ADAMTS2: variants seen among roughly 807,000 people sequenced by gnomAD.
ADAMTS2 encodes ADAM metallopeptidase with thrombospondin type 1 motif 2.
In ADAMTS2, 50 loss-of-function variants were observed where a neutral mutation model predicts 123.0. The observed-to-expected ratio is 0.41, with a 90% CI of 0.32 to 0.51. The LOEUF (loss-of-function observed/expected upper bound fraction) is 0.51. ADAMTS2 is among the 20% of genes least tolerant of loss of function. The pLI is 0.35. For missense variants in ADAMTS2, 1,494 were observed against 1,705.2 expected, an observed-to-expected ratio of 0.88 and a Z score of 2.18; for synonymous variants, 678 against 695.4, an observed-to-expected ratio of 0.98 and a Z score of 0.39.
In ADAMTS2 at chr5:179,236,840, A is replaced by G. The variant is rs897520867; in HGVS notation, c.689-29125T>C. 2.0e-5 allele frequency among the ~76,000 whole-genome samples: 3 copies of G among 151,956 alleles called. No homozygotes were observed. The East Asian group carries it at 5.8e-4, about 29-fold the overall frequency. ...TGTATGCTATGGACTGAATATTTGT[A>G]CCCCCAAAATTCATATGTTGAAACC... On this transcript the variant is annotated intron_variant, in intron 3 of 21. Coordinates refer to ENST00000251582, the MANE Select transcript of ADAMTS2 (RefSeq NM_014244.5).
intron 2 of ADAMTS2, among the ~76,000 whole-genome samples, chr5:179,322,318 T>C (rs974415909): frequency 2.0e-5 from 3 of 152,188 alleles, no homozygotes; most frequent in Non-Finnish European, 2.9e-5. Flanking sequence ...GGCCCGTGCC[T>C]TCTTTGAATC....
chr5:179,132,908 G>A lies in ADAMTS2; in HGVS notation c.2086-8C>T, dbSNP rs527606636. ...ACCGTCACAGCCCACCTTCTGTTGG[G>A]GGAGGAGGCAGTGAGCACTTGAGAC... On this transcript the variant is annotated splice_region_variant and splice_polypyrimidine_tract_variant and intron_variant, in intron 13 of 21. Transcript: ENST00000251582. The surrounding 1 kb of genome is among the most constrained non-coding windows in gnomAD (Gnocchi z 6.1). The A allele has an allele frequency of 6.2e-7, 1 of 1,613,356 alleles. No individual in the cohort carries two copies. The highest frequency in any genetic ancestry group is 1.1e-5 in the South Asian group (1 of 90,964).
chr5:179,127,699 C>T (rs1561768701), intron 17 of ADAMTS2, among the ~76,000 whole-genome samples: 1 of 152,088 alleles, frequency 6.6e-6, no homozygotes, highest in African/African-American at 2.4e-5. Context: ...CAGCCTGTCA[C>T]CCCCACACTG....
chr5:179,135,058 C>CCCAGCTCCCGGGT lies in ADAMTS2; in HGVS notation c.2085+838_2085+850dup, dbSNP rs1267798163. 4.3e-4 allele frequency among the ~76,000 whole-genome samples: 35 copies of CCCAGCTCCCGGGT among 82,020 alleles called. 2 individuals are homozygous for CCCAGCTCCCGGGT. Among genetic ancestry groups the CCCAGCTCCCGGGT allele is most frequent in the Middle Eastern group, 6.8e-3 (1 of 146 alleles). 53.8% of individuals were successfully genotyped at this position (82,020 alleles called of 152,430 possible). A position where few individuals can be genotyped will look rare whatever the true frequency, so the allele number is the denominator to read the frequency against. ...CAGCCCCCAGCTCCCGGCTCCAGCTCCCAGCTCCCGGGTCCAGCTCCCGGC... is the reference window on the plus strand; with the variant it reads ...CAGCCCCCAGCTCCCGGCTCCAGCTCCCAGCTCCCGGGTCCAGCTCCCGGGTCCAGCTCCCGGC... On this transcript the variant is annotated intron_variant, in intron 13 of 21. Transcript: ENST00000251582.
chr5:179,345,335 C>G lies in ADAMTS2; in HGVS notation c.-7G>C, dbSNP rs1045542267. ...CTCCCGCCGGCGGATCCATGGCAGC[C>G]GGACTGCAGCCGGGGCCCCGCACTC... On this transcript the variant is annotated 5_prime_UTR_variant, in exon 1 of 22. Transcript: ENST00000251582. This position sits in a 1 kb window ranked among gnomAD's most constrained non-coding sequence, Gnocchi z 7.5. The G allele has an allele frequency of 4.0e-5, 45 of 1,133,818 alleles. No homozygotes were observed. The highest frequency in any genetic ancestry group is 1.7e-4 in the South Asian group (4 of 23,512). 70.2% of individuals were successfully genotyped at this position (1,133,818 alleles called of 1,614,324 possible). A position where few individuals can be genotyped will look rare whatever the true frequency, so the allele number is the denominator to read the frequency against.
Position 179,314,247 on chromosome 5 carries a change from G to C in ADAMTS2, c.534+29520C>G, listed in dbSNP as rs1561730211. Among the ~76,000 whole-genome samples, 1 of 152,176 alleles carries C rather than the reference G, an allele frequency of 6.6e-6. No homozygotes were observed. Among genetic ancestry groups the C allele is most frequent in the Non-Finnish European group, 1.5e-5 (1 of 68,002 alleles). ...CTGCCCCTCCCACCGGGTCGGCCCT[G>C]TCCTTGTCTTGCTCAGCTCGGGGGA... is the stretch of plus-strand genomic sequence containing the variant. On this transcript the variant is annotated intron_variant, in intron 2 of 21. Coordinates refer to ENST00000251582, the MANE Select transcript of ADAMTS2 (RefSeq NM_014244.5). The surrounding 1 kb of genome is among the most constrained non-coding windows in gnomAD (Gnocchi z 4.5).
Position 179,151,325 on chromosome 5 carries a change from G to C in ADAMTS2, c.1629+817C>G, listed in dbSNP as rs567346784. On this transcript the variant is annotated intron_variant, in intron 10 of 21. Coordinates refer to ENST00000251582, the MANE Select transcript of ADAMTS2 (RefSeq NM_014244.5). ...TCTTCAAGGATGGGCCTGGGAATTT[G>C]TTTCTTTCAGAAGCTCCGCCAGAGA... 143 of 158,892 alleles carry C rather than the reference G, an allele frequency of 9.0e-4. 3 individuals carry two copies. Among genetic ancestry groups the C allele is most frequent in the South Asian group, 6.8e-3 (38 of 5,574 alleles). 9.8% of individuals were successfully genotyped at this position (158,892 alleles called of 1,614,324 possible).
Position 179,111,434 on chromosome 5 carries a change from C to G in ADAMTS2, c.*2433G>C, listed in dbSNP as rs576838940. 6.6e-6 allele frequency: 1 copy of G among 152,290 alleles called. No individual in the cohort carries two copies. Among genetic ancestry groups the G allele is most frequent in the South Asian group, 2.1e-4 (1 of 4,836 alleles). 9.4% of individuals were successfully genotyped at this position (152,290 alleles called of 1,614,324 possible). A position where few individuals can be genotyped will look rare whatever the true frequency, so the allele number is the denominator to read the frequency against. On this transcript the variant is annotated 3_prime_UTR_variant, in exon 22 of 22. Transcript: ENST00000251582. ...GCGTCGTTTCTCAGAGCCCGGTGAA[C>G]GTTGGCATTCCTTGGACAGACTTTT...
chr5:179,278,422 C>G (rs930065664), intron 2 of ADAMTS2, among the ~76,000 whole-genome samples: 2 of 152,056 alleles, frequency 1.3e-5, no homozygotes, highest in African/African-American at 4.8e-5. Flanking sequence ...TTTGATTTTC[C>G]TGCTGCCAGT....
At chr5:179,247,716 C>T (rs1313025057) in intron 3 of ADAMTS2, among the ~76,000 whole-genome samples, 6 of 152,072 alleles carry the variant, frequency 3.9e-5, no homozygotes, top group East Asian at 1.9e-4. Flanking sequence ...CAGAAACCAA[C>T]GGGATGACAT....
intron 10 of ADAMTS2, among the ~76,000 whole-genome samples, chr5:179,147,969 C>T (rs751017486): frequency 2.8e-4 from 42 of 152,118 alleles, no homozygotes; most frequent in Non-Finnish European, 5.3e-4. Context: ...CCCAGGGTCT[C>T]GGAAGGGGCT....
intron 3 of ADAMTS2, among the ~76,000 whole-genome samples, chr5:179,207,917 C>T (rs1477882289): frequency 6.6e-6 from 1 of 152,168 alleles, no homozygotes; most frequent in Non-Finnish European, 1.5e-5. Flanking sequence ...AGGGCCCAGA[C>T]AGGCACCTCT....
intron 4 of ADAMTS2, among the ~76,000 whole-genome samples, chr5:179,206,354 G>A (rs1262721272): frequency 6.6e-6 from 1 of 152,116 alleles, no homozygotes; most frequent in Non-Finnish European, 1.5e-5. Flanking sequence ...GCTCCTGGAG[G>A]GGCTCACCCC....
chr5:179,157,518 C>CTTT (rs112529401), intron 6 of ADAMTS2, among the ~76,000 whole-genome samples: 1 of 144,674 alleles, frequency 6.9e-6, no homozygotes, highest in South Asian at 2.2e-4. Flanking sequence ...TTAAATTTTC[C>CTTT]TTTTTTTTTT....
chr5:179,311,470 C>T (rs1756830869), intron 2 of ADAMTS2, among the ~76,000 whole-genome samples: 1 of 152,236 alleles, frequency 6.6e-6, no homozygotes, highest in African/African-American at 2.4e-5. Context: ...GAACAGTGGA[C>T]ACTGACAGGG....
At position 179,121,750 on chromosome 5, in the gene ADAMTS2, C is replaced by G; in HGVS notation, c.3089G>C (p.Arg1030Pro). 6.4e-7 allele frequency: 1 copy of G among 1,563,310 alleles called. No homozygotes were observed. Among genetic ancestry groups the G allele is most frequent in the Non-Finnish European group, 8.7e-7 (1 of 1,151,010 alleles). Reference protein sequence around the residue: ...ARTCRLGPCPRNISDPSKKSY... With the variant: ...ARTCRLGPCPPNISDPSKKSY... The stretch of plus-strand genomic sequence containing the variant: ...CTTCTTGGAGGGATCTGAGATGTTT[C>G]CTAGAGGGAGGAGAGAGGGGCTGCG... The change falls in exon 21 of 22, where the codon CGA (arginine) becomes CCA (proline). Residue 1030 changes from arginine (R) to proline (P), a missense_variant and splice_region_variant. By Grantham distance (103) the Arg-to-Pro change is moderately radical. Coordinates refer to ENST00000251582, the MANE Select transcript of ADAMTS2 (RefSeq NM_014244.5).
chr5:179,278,987 CCA>C (rs1192075225), intron 2 of ADAMTS2, among the ~76,000 whole-genome samples: 1 of 151,784 alleles, frequency 6.6e-6, no homozygotes, highest in East Asian at 1.9e-4. Flanking sequence ...AAGTATTCAA[CCA>C]CAGACAGCCT....
At chr5:179,286,087 G>A (rs1047101643) in intron 2 of ADAMTS2, among the ~76,000 whole-genome samples, 1 of 152,026 alleles carries the variant, frequency 6.6e-6, no homozygotes, top group Admixed American at 6.5e-5. Context: ...GGTGGTGGGC[G>A]TCTGTAGTCC....
In ADAMTS2 at chr5:179,345,342, C is replaced by T. The variant is rs1757920301; in HGVS notation, c.-14G>A. 8.8e-7 allele frequency: 1 copy of T among 1,132,878 alleles called. No individual in the cohort carries two copies. The highest frequency in any genetic ancestry group is 1.1e-6 in the Non-Finnish European group (1 of 924,624). The allele number at this position is 1,132,878 out of a possible 1,614,324, so 70.2% of individuals were successfully genotyped here. A position where few individuals can be genotyped will look rare whatever the true frequency, so the allele number is the denominator to read the frequency against. ...CGGCGGATCCATGGCAGCCGGACTG[C>T]AGCCGGGGCCCCGCACTCGCAGCCG... is the stretch of plus-strand genomic sequence containing the variant. On this transcript the variant is annotated 5_prime_UTR_variant, in exon 1 of 22. Coordinates refer to ENST00000251582, the MANE Select transcript of ADAMTS2 (RefSeq NM_014244.5). The surrounding 1 kb of genome is among the most constrained non-coding windows in gnomAD (Gnocchi z 7.5).
Sources: gnomAD v4.1 joint callset for allele counts (sites outside exome capture counted in the v4.1 genomes callset) on GRCh38, gnomAD v4.1.1 for gene constraint, Gnocchi (gnomAD v3.1) non-coding constraint, MANE v1.5 for transcripts, NCBI Gene and HGNC (gene_info 2026-07-23, HGNC 2026-07-21) for gene names.